The following SRD5A1 variants were observed in gnomAD, a reference collection of about 807,000 sequenced individuals.
SRD5A1 encodes the protein 3-oxo-5-alpha-steroid 4-dehydrogenase 1.
A neutral mutation model predicts 28.2 loss-of-function variants in SRD5A1; 22 were observed. The observed-to-expected ratio is 0.78, with a 90% CI of 0.56 to 1.12. The LOEUF (loss-of-function observed/expected upper bound fraction) is 1.12. SRD5A1 is among the 50% of genes most tolerant of loss of function. The probability of loss-of-function intolerance (pLI) is 0.00; values close to 1 mark genes in which losing one functional copy is unlikely to be tolerated. For synonymous variants in SRD5A1, 151 were observed against 135.0 expected (o/e 1.12, Z -0.82); for missense variants, 300 against 346.7 (o/e 0.87, Z 1.07).
At chr5:6,658,319 T>C (rs1317471902) in intron 3 of SRD5A1, among the ~76,000 whole-genome samples, 3 of 152,004 alleles carry the variant, frequency 2.0e-5, no homozygotes, top group Admixed American at 1.3e-4. Context: ...AGTGAGACTC[T>C]GTCTAAAAAA....
At chr5:6,651,607 C>A (rs1368057322) in intron 1 of SRD5A1, among the ~76,000 whole-genome samples, 1 of 152,128 alleles carries the variant, frequency 6.6e-6, no homozygotes, top group Non-Finnish European at 1.5e-5. Flanking sequence ...CCGCAGTGAG[C>A]CATGATCAAG....
intron 2 of SRD5A1, 60 bp from the exon 3 acceptor site, chr5:6,656,018 G>T (rs1738820680): frequency 3.2e-6 from 4 of 1,257,662 alleles, no homozygotes; most frequent in Admixed American, 3.4e-5. Flanking sequence ...TCAGGCTGGG[G>T]CTCGTAGTGA....
intron 4 of SRD5A1, among the ~76,000 whole-genome samples, chr5:6,665,757 T>C (rs950767690): frequency 1.9e-4 from 29 of 152,226 alleles, no homozygotes; most frequent in African/African-American, 7.0e-4. Flanking sequence ...AAAGATGTTT[T>C]CTCAAATGAA....
At chr5:6,646,109 C>A (rs1193024357) in intron 1 of SRD5A1, among the ~76,000 whole-genome samples, 2 of 152,014 alleles carry the variant, frequency 1.3e-5, no homozygotes, top group African/African-American at 4.8e-5. Context: ...GTTTTCTGTT[C>A]TTGTGATAGT....
chr5:6,647,599 T>A (rs1404580656), intron 1 of SRD5A1, among the ~76,000 whole-genome samples: 1 of 152,182 alleles, frequency 6.6e-6, no homozygotes, highest in African/African-American at 2.4e-5. Flanking sequence ...CAACCCCTGC[T>A]TTTTGCTTTC....
chr5:6,633,844 A>G lies in SRD5A1; in HGVS notation c.268A>G (p.Met90Val), dbSNP rs769297934. The G allele has an allele frequency of 4.4e-6, 7 of 1,597,326 alleles. No homozygotes were observed. In the Admixed American group the frequency reaches 8.3e-5, roughly 19 times the overall value. ...CGCGCCCAACTGCATCCTCCTGGCCATGTTCCTCGTCCACTACGGGCATCG... is the reference window on the plus strand; with the variant it reads ...CGCGCCCAACTGCATCCTCCTGGCCGTGTTCCTCGTCCACTACGGGCATCG... ...RSAPNCILLA[M>V]FLVHYGHRCL... is the part of the protein sequence containing the mutation. Residue 90 changes from methionine (M) to valine (V), a missense_variant, in exon 1 of 5, where the codon ATG (methionine) becomes GTG (valine). Met to Val is a conservative substitution (Grantham distance 21). Transcript: ENST00000274192.
chr5:6,663,385 T>C (rs1739069691), intron 4 of SRD5A1, among the ~76,000 whole-genome samples: 1 of 152,224 alleles, frequency 6.6e-6, no homozygotes, highest in Non-Finnish European at 1.5e-5. Flanking sequence ...GCAGAACTCA[T>C]ACACACAAGA....
chr5:6,659,969 A>G (rs1457662339), intron 3 of SRD5A1, among the ~76,000 whole-genome samples: 1 of 152,204 alleles, frequency 6.6e-6, no homozygotes, highest in Non-Finnish European at 1.5e-5. Context: ...TGTGCCGTCT[A>G]CATCCAGTGA....
In SRD5A1 at chr5:6,671,749, T is replaced by G. The variant is rs189449875; in HGVS notation, c.*3481T>G. 1 of 152,240 alleles carries G rather than the reference T, an allele frequency of 6.6e-6. No homozygotes were observed. Among genetic ancestry groups the G allele is most frequent in the East Asian group, 1.9e-4 (1 of 5,178 alleles). The allele number at this position is 152,240 out of a possible 1,614,324, so 9.4% of individuals were successfully genotyped here. A position where few individuals can be genotyped will look rare whatever the true frequency, so the allele number is the denominator to read the frequency against. Reference sequence around the variant, plus strand: ...TAGTATATACTACTCAGGAGATGGGTGCACCAGGATCTCACAAATCACCAC... The same window carrying G: ...TAGTATATACTACTCAGGAGATGGGGGCACCAGGATCTCACAAATCACCAC... On this transcript the variant is annotated 3_prime_UTR_variant, in exon 5 of 5. Transcript: ENST00000274192.
chr5:6,640,112 G>T (rs1260067806), intron 1 of SRD5A1, among the ~76,000 whole-genome samples: 1 of 152,132 alleles, frequency 6.6e-6, no homozygotes, highest in Non-Finnish European at 1.5e-5. Context: ...TCCTCATGGT[G>T]TGGTGGCTGG....
chr5:6,660,653 G>T (rs539401956), intron 3 of SRD5A1, among the ~76,000 whole-genome samples: 1 of 152,230 alleles, frequency 6.6e-6, no homozygotes, highest in Non-Finnish European at 1.5e-5. Flanking sequence ...CACACATGGC[G>T]AATGACATTC....
chr5:6,660,097 C>T (rs1455404578), intron 3 of SRD5A1, among the ~76,000 whole-genome samples: 2 of 152,186 alleles, frequency 1.3e-5, no homozygotes, highest in South Asian at 2.1e-4. Flanking sequence ...GAGAGGTGCA[C>T]AGGTGTGACG....
chr5:6,662,927 C>A lies in SRD5A1; in HGVS notation c.674C>A (p.Thr225Lys), dbSNP rs374499334. ...SVQGAAFAFFTFCFLSGRAKE... is the reference protein window; with the variant it reads ...SVQGAAFAFFKFCFLSGRAKE... ...CAAGGCGCGGCTTTTGCTTTCTTCA[C>A]GTTTTGTTTTTTATCTGGTAGAGCA... The change falls in exon 4 of 5, where the codon ACG becomes AAG. Residue 225 changes from threonine to lysine, a missense_variant. Around this residue, in one of 2 missense-constraint regions of SRD5A1, gnomAD observed 126 missense variants for 185.7 expected, o/e 0.68. Coordinates refer to ENST00000274192, the MANE Select transcript of SRD5A1 (RefSeq NM_001047.4). 1 of 1,613,986 alleles carries A rather than the reference C, an allele frequency of 6.2e-7. No individual in the cohort carries two copies. Among genetic ancestry groups the A allele is most frequent in the Admixed American group, 1.7e-5 (1 of 59,984 alleles).
At chr5:6,636,172 C>T (rs1002956136) in intron 1 of SRD5A1, among the ~76,000 whole-genome samples, 1 of 151,922 alleles carries the variant, frequency 6.6e-6, no homozygotes, top group Non-Finnish European at 1.5e-5. Flanking sequence ...AAACATTTTC[C>T]ATTCTACCCA....
Position 6,635,972 on chromosome 5 carries a change from G to A in SRD5A1, c.293+2103G>A, listed in dbSNP as rs531502734. ...GCTGCTGTCTTCCCTGAGGCTGTTG[G>A]ATAAGGAGCTGCTGGGATGAAAGCC... On this transcript the variant is annotated intron_variant, in intron 1 of 4. Coordinates refer to ENST00000274192, the MANE Select transcript of SRD5A1 (RefSeq NM_001047.4). 2.4e-4 allele frequency among the ~76,000 whole-genome samples: 36 copies of A among 152,274 alleles called. 1 individual carries two copies. The highest frequency in any genetic ancestry group is 8.4e-4 in the African/African-American group (35 of 41,560).
rs753994240 is a variant in SRD5A1, at chr5:6,633,876, TCCCCGGC to T, written c.293+19_293+25del. 1.5e-5 allele frequency: 24 copies of T among 1,596,424 alleles called. No individual in the cohort carries two copies. Among genetic ancestry groups the T allele is most frequent in the East Asian group, 4.5e-5 (2 of 44,720 alleles). ...TCGTCCACTACGGGCATCGGTAACG[TCCCCGGC>T]CCCCGGCCCCCTACCCTACTCCCGG... On this transcript the variant is annotated splice_region_variant and intron_variant, in intron 1 of 4. Transcript: ENST00000274192.
chr5:6,644,669 G>C (rs1291815926), intron 1 of SRD5A1: 2 of 362,410 alleles, frequency 5.5e-6, no homozygotes, highest in South Asian at 2.1e-5. Context: ...AAGGCCTCCT[G>C]TTCTGGTTGA....
intron 2 of SRD5A1, among the ~76,000 whole-genome samples, chr5:6,654,438 G>T (rs996966672): frequency 2.1e-4 from 32 of 150,418 alleles, no homozygotes; most frequent in East Asian, 1.4e-3. Flanking sequence ...TTTTTTTTTT[G>T]TTTGTTTGTT....
At chr5:6,645,180 G>T (rs533947554) in intron 1 of SRD5A1, 2 of 363,362 alleles carry the variant, frequency 5.5e-6, no homozygotes, top group African/African-American at 4.3e-5. Context: ...CAGCCAGCAT[G>T]ACACTACTAT....
Sources: gnomAD v4.1 joint callset for allele counts (sites outside exome capture counted in the v4.1 genomes callset) on GRCh38, gnomAD v4.1.1 for gene constraint, gnomAD v4.1.1 regional missense constraint, MANE v1.5 for transcripts, NCBI Gene and HGNC (gene_info 2026-07-23, HGNC 2026-07-21) for gene names.